The following LDB2 variants were observed in gnomAD, a reference collection of about 807,000 sequenced individuals.
LDB2 encodes the protein LIM domain-binding protein 2.
Under a neutral mutation model 44.3 loss-of-function variants are expected in LDB2, and 12 were observed. The ratio of observed to expected loss-of-function variants is 0.27; its 90% CI spans 0.17 to 0.44. LDB2 has a LOEUF of 0.44. LDB2 is among the 20% of genes least tolerant of loss of function. LDB2 has a pLI of 1.00. For missense variants in LDB2, 344 were observed against 473.5 expected, an observed-to-expected ratio of 0.73 and a Z score of 2.54; for synonymous variants, 164 against 174.8, an observed-to-expected ratio of 0.94 and a Z score of 0.49.
intron 2 of LDB2, among the ~76,000 whole-genome samples, chr4:16,706,106 T>A (rs1335247276): frequency 1.3e-5 from 2 of 152,174 alleles, no homozygotes; most frequent in Non-Finnish European, 2.9e-5. Context: ...TCTGAATTCT[T>A]GTGTTCCTTT....
chr4:16,685,593 G>C (rs901248905), intron 2 of LDB2, among the ~76,000 whole-genome samples: 12 of 152,116 alleles, frequency 7.9e-5, no homozygotes, highest in African/African-American at 2.9e-4. Context: ...TTAAGTAGCA[G>C]GGGGAAGGAA....
chr4:16,584,029 G>A (rs570036271), intron 5 of LDB2, among the ~76,000 whole-genome samples: 7 of 152,314 alleles, frequency 4.6e-5, no homozygotes, highest in African/African-American at 1.2e-4. Context: ...ACTGAATCAC[G>A]ACGCACAAGT....
chr4:16,552,859 CA>C (rs1738156061), intron 5 of LDB2, among the ~76,000 whole-genome samples: 1 of 152,184 alleles, frequency 6.6e-6, no homozygotes, highest in Non-Finnish European at 1.5e-5. Context: ...TGATGTTCGT[CA>C]GTCAGAGAAG....
At chr4:16,844,968 G>GTAAA (rs1397364954) in intron 1 of LDB2, among the ~76,000 whole-genome samples, 4 of 152,214 alleles carry the variant, frequency 2.6e-5, no homozygotes, top group African/African-American at 9.7e-5. Context: ...TAGGTCAAGA[G>GTAAA]TAAACATCCA....
At chr4:16,620,253 C>A (rs1021741980) in intron 2 of LDB2, among the ~76,000 whole-genome samples, 2 of 152,156 alleles carry the variant, frequency 1.3e-5, no homozygotes, top group Non-Finnish European at 2.9e-5. Flanking sequence ...GATGACTGAG[C>A]TCACTGGATA....
At chr4:16,897,911 T>TATATATATATATATAC (rs1561574075) in intron 1 of LDB2, among the ~76,000 whole-genome samples, 5 of 15,214 alleles carry the variant, frequency 3.3e-4, no homozygotes, top group African/African-American at 1.2e-3. Flanking sequence ...TATATATATA[T>TATATATATATATATAC]ATATATATAT....
intron 5 of LDB2, among the ~76,000 whole-genome samples, chr4:16,529,271 T>C (rs948026495): frequency 1.3e-5 from 2 of 152,166 alleles, no homozygotes; most frequent in African/African-American, 4.8e-5. Flanking sequence ...ATGCCCATGC[T>C]TGGGAATGTA....
At chr4:16,882,618 T>G (rs1211972707) in intron 1 of LDB2, among the ~76,000 whole-genome samples, 1 of 152,194 alleles carries the variant, frequency 6.6e-6, no homozygotes, top group African/African-American at 2.4e-5. Context: ...AAGGCTGAGA[T>G]TTCAGCTTCT....
chr4:16,814,320 G>C (rs1780510633), intron 1 of LDB2, among the ~76,000 whole-genome samples: 1 of 152,176 alleles, frequency 6.6e-6, no homozygotes, highest in Non-Finnish European at 1.5e-5. Context: ...GCAACCATGT[G>C]TCAATAGCAG....
intron 2 of LDB2, among the ~76,000 whole-genome samples, chr4:16,647,855 TTGAAAGAGAAAGAA>T (rs1223064875): frequency 6.6e-6 from 1 of 152,226 alleles, no homozygotes; most frequent in Non-Finnish European, 1.5e-5. Flanking sequence ...CAGGTCCTCC[TTGAAAGAGAAAGAA>T]TGCATTTCCC....
intron 5 of LDB2, among the ~76,000 whole-genome samples, chr4:16,529,198 A>ACTC (rs1729279799): frequency 6.6e-6 from 1 of 152,130 alleles, no homozygotes; most frequent in Non-Finnish European, 1.5e-5. Context: ...TTTGGGACTC[A>ACTC]ATAGATTTGT....
rs1251038977 is a variant in LDB2, at chr4:16,582,548, A to T, written c.615+3374T>A. Reference sequence around the variant, plus strand: ...CTGAAAGGTGCCATCTCCCCATGTCATGGAACAGTTTTCCCCAGAACACTG... The same window carrying T: ...CTGAAAGGTGCCATCTCCCCATGTCTTGGAACAGTTTTCCCCAGAACACTG... On this transcript the variant is annotated intron_variant, in intron 5 of 7. Coordinates refer to ENST00000304523, the MANE Select transcript of LDB2 (RefSeq NM_001290.5). This position sits in a 1 kb window ranked among gnomAD's most constrained non-coding sequence, Gnocchi z 4.8. Among the ~76,000 whole-genome samples the T allele has an allele frequency of 6.6e-6, 1 of 152,152 alleles. No individual in the cohort carries two copies. The highest frequency in any genetic ancestry group is 6.5e-5 in the Admixed American group (1 of 15,286).
chr4:16,718,836 T>G (rs563455104), intron 2 of LDB2, among the ~76,000 whole-genome samples: 1 of 152,276 alleles, frequency 6.6e-6, no homozygotes, highest in Non-Finnish European at 1.5e-5. Context: ...AGAATGTTCT[T>G]TTGGAAATGC....
chr4:16,725,731 A>G (rs1759294352), intron 2 of LDB2, among the ~76,000 whole-genome samples: 1 of 152,034 alleles, frequency 6.6e-6, no homozygotes. Flanking sequence ...TTTTCCCACT[A>G]TGAAGTTTTC....
At chr4:16,866,374 T>C (rs1195482051) in intron 1 of LDB2, among the ~76,000 whole-genome samples, 1 of 152,238 alleles carries the variant, frequency 6.6e-6, no homozygotes, top group South Asian at 2.1e-4. Flanking sequence ...CTACTTTATG[T>C]TACTTTATTA....
intron 6 of LDB2, among the ~76,000 whole-genome samples, chr4:16,508,889 T>C (rs1720628203): frequency 6.6e-6 from 1 of 152,176 alleles, no homozygotes; most frequent in Non-Finnish European, 1.5e-5. Context: ...ACTCTTTTCT[T>C]TGTGTGTAGA....
At chr4:16,684,513 T>C (rs544627695) in intron 2 of LDB2, among the ~76,000 whole-genome samples, 12 of 152,384 alleles carry the variant, frequency 7.9e-5, no homozygotes, top group Non-Finnish European at 1.5e-4. Context: ...TCATTCATCA[T>C]ATTTTGGCTT....
At chr4:16,789,639 A>T (rs1446499935) in intron 1 of LDB2, among the ~76,000 whole-genome samples, 6 of 152,202 alleles carry the variant, frequency 3.9e-5, no homozygotes, top group Non-Finnish European at 1.5e-5. Flanking sequence ...CTTTCTTAAA[A>T]CCCTATATGG....
intron 1 of LDB2, among the ~76,000 whole-genome samples, chr4:16,762,883 T>C (rs1184648270): frequency 3.9e-5 from 6 of 152,182 alleles, no homozygotes; most frequent in African/African-American, 1.2e-4. Context: ...GGAATGTCTA[T>C]GAGCAGTGTT....
Sources: allele counts gnomAD v4.1 joint callset (sites outside exome capture counted in the v4.1 genomes callset), GRCh38; gene constraint gnomAD v4.1.1; non-coding constraint Gnocchi (gnomAD v3.1); transcripts MANE v1.5; gene names NCBI Gene and HGNC (gene_info 2026-07-23, HGNC 2026-07-21).